Variants in PLSCR2 observed in about 807,000 individuals in gnomAD.
PLSCR2 encodes phospholipid scramblase 2.
A neutral mutation model predicts 25.3 loss-of-function variants in PLSCR2; 18 were observed. That is an observed-to-expected ratio of 0.71 (90% CI 0.49 to 1.06). The LOEUF is 1.06. Ranked by LOEUF, PLSCR2 falls within the 50% of genes least tolerant of loss-of-function variation. PLSCR2 has a pLI of 0.00. For missense variants in PLSCR2, 243 were observed against 269.5 expected, an observed-to-expected ratio of 0.90 and a Z score of 0.69; for synonymous variants, 88 against 87.3, an observed-to-expected ratio of 1.01 and a Z score of -0.04.
chr3:146,445,225 G>A (rs1177161312), intron 6 of PLSCR2, among the ~76,000 whole-genome samples: 1 of 152,052 alleles, frequency 6.6e-6, no homozygotes, highest in East Asian at 1.9e-4. Context: ...ATAATATTCT[G>A]TGTTTATCTG....
At chr3:146,458,287 T>G (rs1410846906) in intron 3 of PLSCR2, 124 bp downstream of exon 3, 13 of 762,826 alleles carry the variant, frequency 1.7e-5, no homozygotes, top group Non-Finnish European at 2.4e-5. Context: ...AGACAGACAT[T>G]CGTAAATAGT....
chr3:146,439,352 T>A (rs559624535), downstream of PLSCR2, among the ~76,000 whole-genome samples: 1 of 152,244 alleles, frequency 6.6e-6, no homozygotes, highest in African/African-American at 2.4e-5. Flanking sequence ...TTCTCCTGGA[T>A]AATATCCTGA....
At chr3:146,454,454 C>G (rs897204378) in intron 4 of PLSCR2, among the ~76,000 whole-genome samples, 4 of 152,128 alleles carry the variant, frequency 2.6e-5, no homozygotes, top group South Asian at 2.1e-4. Flanking sequence ...CTTCAGTTAT[C>G]CTCTCAAAAT....
chr3:146,461,139 T>C (rs753161343), upstream of PLSCR2, among the ~76,000 whole-genome samples: 3 of 152,204 alleles, frequency 2.0e-5, no homozygotes, highest in Non-Finnish European at 4.4e-5. Flanking sequence ...CATAAGCTTA[T>C]TTGTATAGTC....
intron 2 of PLSCR2, among the ~76,000 whole-genome samples, chr3:146,428,068 T>G (rs1344407903): frequency 6.6e-6 from 1 of 152,192 alleles, no homozygotes; most frequent in Non-Finnish European, 1.5e-5. Flanking sequence ...ACAAATGCAC[T>G]TCTGCCTGTG....
chr3:146,439,115 T>C (rs2040073661), downstream of PLSCR2, among the ~76,000 whole-genome samples: 2 of 152,242 alleles, frequency 1.3e-5, no homozygotes, highest in African/African-American at 2.4e-5. Flanking sequence ...CACTCTCTTC[T>C]GGCTTGTAGA....
intron 3 of PLSCR2, among the ~76,000 whole-genome samples, chr3:146,394,320 T>G (rs1171091352): frequency 6.6e-6 from 1 of 152,050 alleles, no homozygotes; most frequent in African/African-American, 2.4e-5. Flanking sequence ...CAGGCTGGAG[T>G]GCAGTGGTGC....
chr3:146,476,072 T>G (rs1029080699), intron 1 of PLSCR2, among the ~76,000 whole-genome samples: 4 of 151,420 alleles, frequency 2.6e-5, no homozygotes, highest in African/African-American at 9.7e-5. Context: ...CCCAAAACTG[T>G]TATATAGCGG....
Position 146,425,645 on chromosome 3 carries a change from A to C in PLSCR2, c.101-29724T>G, listed in dbSNP as rs1022307684. On this transcript the variant is annotated intron_variant and NMD_transcript_variant, in intron 2 of 3. Transcript: ENST00000463633. The stretch of plus-strand genomic sequence containing the variant: ...GATAGAAAAAGTATAGATGGCTTAA[A>C]TAGCTGTTTCATATAAATATGATGT... 3.3e-5 allele frequency among the ~76,000 whole-genome samples: 5 copies of C among 152,186 alleles called. No homozygotes were observed. In the South Asian group the frequency reaches 1.0e-3, roughly 32 times the overall value.
intron 1 of PLSCR2, among the ~76,000 whole-genome samples, chr3:146,484,288 C>T (rs373151486): frequency 6.0e-5 from 9 of 149,930 alleles, no homozygotes; most frequent in South Asian, 2.1e-4. Context: ...TATGGGATTA[C>T]GAAAAAAGAC....
intron 5 of PLSCR2, among the ~76,000 whole-genome samples, chr3:146,453,285 T>A (rs2041006568): frequency 6.6e-6 from 1 of 152,102 alleles, no homozygotes; most frequent in South Asian, 2.1e-4. Flanking sequence ...TTTGTGGAAT[T>A]GTTGGCCCAG....
At chr3:146,410,835 C>A (rs531107874) in intron 2 of PLSCR2, among the ~76,000 whole-genome samples, 5 of 152,310 alleles carry the variant, frequency 3.3e-5, no homozygotes, top group African/African-American at 1.2e-4. Context: ...CATTCAGATG[C>A]CCACCTGGCC....
upstream of PLSCR2, among the ~76,000 whole-genome samples, chr3:146,461,378 C>T (rs146665125): frequency 1.7e-4 from 26 of 152,158 alleles, no homozygotes; most frequent in African/African-American, 5.5e-4. Flanking sequence ...ATTCCTCCTA[C>T]GATTAATGAA....
chr3:146,410,996 C>T (rs2038829307), intron 2 of PLSCR2, among the ~76,000 whole-genome samples: 1 of 152,214 alleles, frequency 6.6e-6, no homozygotes, highest in Admixed American at 6.5e-5. Flanking sequence ...GTAGCTTTCA[C>T]TGTGGAGCTA....
At chr3:146,411,756 GA>G (rs1559975278) in intron 2 of PLSCR2, among the ~76,000 whole-genome samples, 1 of 152,048 alleles carries the variant, frequency 6.6e-6, no homozygotes, top group African/African-American at 2.4e-5. Flanking sequence ...TTAGAAAGGG[GA>G]GGGGGTCTAG....
chr3:146,453,909 A>G (rs2041044410), intron 5 of PLSCR2, 93 bp downstream of exon 5: 1 of 1,014,554 alleles, frequency 9.9e-7, no homozygotes. Context: ...AGACATCAGT[A>G]CACAATACTA....
intron 5 of PLSCR2, among the ~76,000 whole-genome samples, chr3:146,450,188 T>C (rs921616816): frequency 1.4e-4 from 22 of 152,202 alleles, no homozygotes; most frequent in Non-Finnish European, 2.9e-4. Context: ...TTAAGAGTTA[T>C]GTCAACCCAA....
At chr3:146,487,878 C>T (rs531098831) in intron 1 of PLSCR2, among the ~76,000 whole-genome samples, 32 of 152,060 alleles carry the variant, frequency 2.1e-4, no homozygotes, top group Non-Finnish European at 3.7e-4. Flanking sequence ...CAATCCTAAG[C>T]AAAAAGAACA....
chr3:146,436,783 T>C (rs921959959), downstream of PLSCR2, among the ~76,000 whole-genome samples: 1 of 152,194 alleles, frequency 6.6e-6, no homozygotes, highest in African/African-American at 2.4e-5. Context: ...TCTTGCCTGA[T>C]TGCCCTGGCC....
Sources: allele counts gnomAD v4.1 joint callset (sites outside exome capture counted in the v4.1 genomes callset), GRCh38; gene constraint gnomAD v4.1.1; transcripts MANE v1.5; gene names NCBI Gene and HGNC (gene_info 2026-07-23, HGNC 2026-07-21).